Variants in ARHGAP30 observed in about 807,000 individuals in gnomAD.
The protein encoded by ARHGAP30 is rho GTPase-activating protein 30.
ARHGAP30 carries 23 observed loss-of-function variants against 72.0 expected under a neutral mutation model. That is an observed-to-expected ratio of 0.32 (90% CI 0.23 to 0.45). ARHGAP30 has a LOEUF of 0.45. ARHGAP30 is among the 20% of genes least tolerant of loss of function. ARHGAP30 has a pLI of 1.00. For synonymous variants in ARHGAP30, 576 were observed against 528.2 expected (o/e 1.09, Z -1.24); for missense variants, 1,319 against 1,383.4 (o/e 0.95, Z 0.74).
intron 1 of ARHGAP30, among the ~76,000 whole-genome samples, chr1:161,067,855 C>T (rs916967700): frequency 3.3e-5 from 5 of 152,166 alleles, no homozygotes; most frequent in African/African-American, 1.2e-4. Flanking sequence ...TTCCACTTTC[C>T]ACCTCTCTGT....
At chr1:161,051,854 T>G (rs577598967) in intron 9 of ARHGAP30, 139 bp from the exon 10 acceptor site, 4 of 1,427,298 alleles carry the variant, frequency 2.8e-6, no homozygotes, top group Admixed American at 5.8e-5. Flanking sequence ...AGGCCCAGCT[T>G]CTTTTGATCA....
intron 10 of ARHGAP30, among the ~76,000 whole-genome samples, chr1:161,050,571 A>G (rs962857876): frequency 2.0e-5 from 3 of 151,470 alleles, no homozygotes; most frequent in Non-Finnish European, 4.4e-5. Flanking sequence ...AGCTTCCCAA[A>G]GTGTTGGGAT....
chr1:161,049,514 G>A lies in ARHGAP30; in HGVS notation c.1596C>T (p.Ala532=), dbSNP rs758073805. ...AGGCTGCTCCTGCTGCTTCTGCCTGGGCCACCTCCCCATCCTCTGCCCCCA... is the reference window on the plus strand; with the variant it reads ...AGGCTGCTCCTGCTGCTTCTGCCTGAGCCACCTCCCCATCCTCTGCCCCCA... ...EWVGAEDGEV[A]QAEAAGAAFS... The change falls in exon 11 of 12, where the codon GCC becomes GCT. Residue 532 remains alanine (A), a synonymous_variant. Transcript: ENST00000368013. The A allele has an allele frequency of 3.1e-6, 5 of 1,613,952 alleles. No individual in the cohort carries two copies. Among genetic ancestry groups the A allele is most frequent in the African/African-American group, 2.7e-5 (2 of 74,910 alleles).
intron 6 of ARHGAP30, 51 bp from the exon 7 acceptor site, chr1:161,052,848 C>A: frequency 6.3e-7 from 1 of 1,586,430 alleles, no homozygotes; most frequent in Non-Finnish European, 8.6e-7. Flanking sequence ...AAGAGAGGGA[C>A]CTCAGGCACC....
Position 161,048,612 on chromosome 1 carries a change from C to T in ARHGAP30, c.2409G>A (p.Arg803=), listed in dbSNP as rs1204593095. 5.0e-6 allele frequency: 8 copies of T among 1,613,864 alleles called. No individual in the cohort carries two copies. Among genetic ancestry groups the T allele is most frequent in the African/African-American group, 2.7e-5 (2 of 74,852 alleles). Residue 803 remains arginine, a synonymous_variant, in exon 12 of 12, where the codon AGG becomes AGA. Transcript: ENST00000368013. ...TTCTTGCTTCATGGTACCCCTTCTCCCTCTGTCCTTTGTCCTCATCCTCTC... is the reference window on the plus strand; with the variant it reads ...TTCTTGCTTCATGGTACCCCTTCTCTCTCTGTCCTTTGTCCTCATCCTCTC... ...GVREDEDKGQ[R]EKGYHEARKD... is the part of the protein sequence containing the mutation.
At chr1:161,052,840 G>A (rs763743154) in intron 6 of ARHGAP30, 43 bp from the exon 7 acceptor site, 295 of 1,594,956 alleles carry the variant, frequency 1.8e-4, no homozygotes, top group Non-Finnish European at 2.3e-4. Flanking sequence ...ACAGAGCCAA[G>A]AGAGGGACCT....
At chr1:161,059,745 G>C in intron 1 of ARHGAP30, 29 bp from the exon 2 acceptor site, 1 of 1,586,156 alleles carries the variant, frequency 6.3e-7, no homozygotes, top group Non-Finnish European at 8.6e-7. Context: ...CAGAGACATA[G>C]AAATCAGAGG....
In ARHGAP30 at chr1:161,054,467, C is replaced by T. The variant is rs1159322265; in HGVS notation, c.435G>A (p.Leu145=). Residue 145 remains leucine (L), a synonymous_variant, in exon 5 of 12, where the codon CTG becomes CTA. Coordinates refer to ENST00000368013, the MANE Select transcript of ARHGAP30 (RefSeq NM_001025598.2). ...RELPVPNYRT[L]EFLMRHLVHM... The stretch of plus-strand genomic sequence containing the variant: ...GTACCAAGTGCCTCATGAGGAACTC[C>T]AGGGTCCTGCAGAAAGCGGGGGCAG... 1 of 1,613,758 alleles carries T rather than the reference C, an allele frequency of 6.2e-7. No homozygotes were observed.
chr1:161,049,053 T>C lies in ARHGAP30; in HGVS notation c.1968A>G (p.Glu656=), dbSNP rs751279738. 6.2e-7 allele frequency: 1 copy of C among 1,614,044 alleles called. No homozygotes were observed. The highest frequency in any genetic ancestry group is 2.2e-5 in the East Asian group (1 of 44,868). ...GCTCAGCCTGCTTGTCCTCCCCAAC[T>C]TCCCAGCATGCCTGCTCTTCCCCAC... ...GQGGEEQACW[E]VGEDKQAEPG... is the part of the protein sequence containing the mutation. Residue 656 remains glutamate, a synonymous_variant, in exon 12 of 12, where the codon GAA becomes GAG. Coordinates refer to ENST00000368013, the MANE Select transcript of ARHGAP30 (RefSeq NM_001025598.2).
chr1:161,054,544 A>G (rs1266947808), intron 4 of ARHGAP30, 71 bp from the exon 5 acceptor site: 2 of 1,596,578 alleles, frequency 1.3e-6, no homozygotes, highest in African/African-American at 2.7e-5. Flanking sequence ...ACCTGGGAGC[A>G]GTAGGACCCA....
At chr1:161,059,026 A>G (rs1652122841) in intron 2 of ARHGAP30, among the ~76,000 whole-genome samples, 1 of 151,816 alleles carries the variant, frequency 6.6e-6, no homozygotes. Context: ...AATTATATCT[A>G]AGTTTTTTGT....
At chr1:161,066,476 G>A (rs563119556) in intron 1 of ARHGAP30, among the ~76,000 whole-genome samples, 56 of 150,544 alleles carry the variant, frequency 3.7e-4, no homozygotes, top group African/African-American at 1.2e-3. Context: ...GCAAAACCCC[G>A]TCTCCACTAA....
chr1:161,047,893 G>C lies in ARHGAP30; in HGVS notation c.3128C>G (p.Ser1043Cys). Residue 1043 changes from serine (S) to cysteine (C), a missense_variant, in exon 12 of 12, where the codon TCT becomes TGT. Ser to Cys is a moderately radical substitution (Grantham distance 112). Around this residue, in one of 2 missense-constraint regions of ARHGAP30, gnomAD observed 1,097 missense variants for 1,045.2 expected, o/e 1.05. Coordinates refer to ENST00000368013, the MANE Select transcript of ARHGAP30 (RefSeq NM_001025598.2). ...TSPCSMISAH[S>C]PRPLSCLELP... Reference sequence around the variant, plus strand: ...CTCCAGGCAGCTAAGGGGCCGAGGAGAATGGGCAGAGATCATGCTACAAGG... The same window carrying C: ...CTCCAGGCAGCTAAGGGGCCGAGGACAATGGGCAGAGATCATGCTACAAGG... The C allele has an allele frequency of 6.2e-7, 1 of 1,612,202 alleles. No individual in the cohort carries two copies. The highest frequency in any genetic ancestry group is 8.5e-7 in the Non-Finnish European group (1 of 1,179,028).
rs1007359008 is a variant in ARHGAP30, at chr1:161,064,855, G to A, written c.97+4673C>T. ...AGAGAAAGAAAGAAAGAAAGGAAAG[G>A]AAGGAGAGGAAGGAGAGGAAGGAGA... On this transcript the variant is annotated intron_variant, in intron 1 of 11. Coordinates refer to ENST00000368013, the MANE Select transcript of ARHGAP30 (RefSeq NM_001025598.2). Among the ~76,000 whole-genome samples the A allele has an allele frequency of 6.9e-3, 631 of 91,692 alleles. 4 individuals carry two copies. Among genetic ancestry groups the A allele is most frequent in the Middle Eastern group, 0.014 (2 of 140 alleles). The allele number at this position is 91,692 out of a possible 152,430, so 60.2% of individuals were successfully genotyped here.
At chr1:161,068,348 C>T (rs1007650794) in intron 1 of ARHGAP30, among the ~76,000 whole-genome samples, 6 of 152,152 alleles carry the variant, frequency 3.9e-5, no homozygotes, top group African/African-American at 1.4e-4. Context: ...AGCTGTTTAA[C>T]ACTCTTCCTT....
intron 1 of ARHGAP30, among the ~76,000 whole-genome samples, chr1:161,062,901 G>A (rs1361884430): frequency 1.3e-5 from 2 of 151,134 alleles, no homozygotes; most frequent in African/African-American, 2.4e-5. Context: ...CACAACCTCC[G>A]CCTCCCAGGT....
At position 161,061,826 on chromosome 1, in the gene ARHGAP30, G is replaced by A. The variant is rs185631377; in HGVS notation, c.98-2110C>T. Among the ~76,000 whole-genome samples the A allele has an allele frequency of 8.2e-3, 1,252 of 152,168 alleles. 16 individuals are homozygous for A. Among genetic ancestry groups the A allele is most frequent in the South Asian group, 0.049 (234 of 4,814 alleles). On this transcript the variant is annotated intron_variant, in intron 1 of 11. Coordinates refer to ENST00000368013, the MANE Select transcript of ARHGAP30 (RefSeq NM_001025598.2). Reference sequence around the variant, plus strand: ...AAAATGGCCAGGCGTGGTGGCTCACGCCTGTAATCCCAGCACTTTGGGAGG... The same window carrying A: ...AAAATGGCCAGGCGTGGTGGCTCACACCTGTAATCCCAGCACTTTGGGAGG...
intron 9 of ARHGAP30, among the ~76,000 whole-genome samples, chr1:161,052,047 A>G (rs1157237346): frequency 6.6e-5 from 1 of 15,048 alleles, no homozygotes; most frequent in Admixed American, 8.3e-4. Flanking sequence ...CACCACCACC[A>G]CCACCACCAC....
rs1653042849 is a variant in ARHGAP30, at chr1:161,069,799, G to T, written c.-175C>A. The T allele has an allele frequency of 8.0e-6, 5 of 624,302 alleles. No homozygotes were observed. Among genetic ancestry groups the T allele is most frequent in the Non-Finnish European group, 1.1e-5 (4 of 357,230 alleles). 38.7% of individuals were successfully genotyped at this position (624,302 alleles called of 1,614,324 possible). A position where few individuals can be genotyped will look rare whatever the true frequency, so the allele number is the denominator to read the frequency against. On this transcript the variant is annotated 5_prime_UTR_variant, in exon 1 of 12. Coordinates refer to ENST00000368013, the MANE Select transcript of ARHGAP30 (RefSeq NM_001025598.2). The surrounding 1 kb of genome is among the most constrained non-coding windows in gnomAD (Gnocchi z 4.9). ...ACGGGCAGCAGCTCCTGCCCCTGGG[G>T]CCCCGGCCACACGGAAGTGGCTGTT...
Sources: gnomAD v4.1 joint callset for allele counts (sites outside exome capture counted in the v4.1 genomes callset) on GRCh38, gnomAD v4.1.1 for gene constraint, gnomAD v4.1.1 regional missense constraint, Gnocchi (gnomAD v3.1) non-coding constraint, MANE v1.5 for transcripts, NCBI Gene and HGNC (gene_info 2026-07-23, HGNC 2026-07-21) for gene names.